Variants in GPRC5A observed in about 807,000 individuals in gnomAD.
GPRC5A encodes G protein-coupled receptor class C group 5 member A, also known as retinoic acid-induced protein 3.
In GPRC5A, 19 loss-of-function variants were observed where a neutral mutation model predicts 22.5. The ratio of observed to expected loss-of-function variants is 0.85; its 90% CI spans 0.59 to 1.24. The LOEUF (loss-of-function observed/expected upper bound fraction) is 1.24. Ranked by LOEUF, GPRC5A falls within the 50% of genes most tolerant of loss-of-function variation. GPRC5A has a pLI of 0.00. For synonymous variants in GPRC5A, 192 were observed against 184.5 expected (o/e 1.04, Z -0.33); for missense variants, 471 against 451.1 (o/e 1.04, Z -0.40).
At chr12:12,902,698 G>A (rs1863901879) in intron 1 of GPRC5A, among the ~76,000 whole-genome samples, 1 of 152,098 alleles carries the variant, frequency 6.6e-6, no homozygotes, top group African/African-American at 2.4e-5. Flanking sequence ...TTGAGCCCAG[G>A]AAGTCAAGGC....
chr12:12,914,545 C>CT lies in GPRC5A; in HGVS notation c.*2009dup, dbSNP rs1864038175. ...CTTTCTCTCTTTCCTTCCTTCCTTC[C>CT]TTTCTTCTTTCTTTCTTTCTTTCTT... is the stretch of plus-strand genomic sequence containing the variant. On this transcript the variant is annotated 3_prime_UTR_variant, in exon 4 of 4. Transcript: ENST00000014914. 1 of 75,010 alleles carries CT rather than the reference C, an allele frequency of 1.3e-5. No individual in the cohort carries two copies. Among genetic ancestry groups the CT allele is most frequent in the Non-Finnish European group, 2.7e-5 (1 of 36,414 alleles). The allele number at this position is 75,010 out of a possible 1,614,324, so 4.6% of individuals were successfully genotyped here. A position where few individuals can be genotyped will look rare whatever the true frequency, so the allele number is the denominator to read the frequency against.
rs1422601582 is a variant in GPRC5A at position 12,912,987 on chromosome 12, T to C, written c.*448T>C. On this transcript the variant is annotated 3_prime_UTR_variant, in exon 4 of 4. Coordinates refer to ENST00000014914, the MANE Select transcript of GPRC5A (RefSeq NM_003979.4). ...CAGGCGTGAGCCACAGCTCCCAGCC[T>C]AGGCCCTTAATCTTGCTGTTATTTT... 1 of 161,004 alleles carries C rather than the reference T, an allele frequency of 6.2e-6. No individual in the cohort carries two copies. Among genetic ancestry groups the C allele is most frequent in the Non-Finnish European group, 1.4e-5 (1 of 73,834 alleles). 10.0% of individuals were successfully genotyped at this position (161,004 alleles called of 1,614,324 possible). A position where few individuals can be genotyped will look rare whatever the true frequency, so the allele number is the denominator to read the frequency against.
At chr12:12,896,965 G>A (rs1050120778) in intron 1 of GPRC5A, among the ~76,000 whole-genome samples, 1 of 152,148 alleles carries the variant, frequency 6.6e-6, no homozygotes, top group East Asian at 1.9e-4. Flanking sequence ...GATGGCTTAC[G>A]CCTGTAATCC....
At chr12:12,905,377 T>A (rs917976087) in intron 1 of GPRC5A, among the ~76,000 whole-genome samples, 2 of 152,160 alleles carry the variant, frequency 1.3e-5, no homozygotes, top group African/African-American at 4.8e-5. Flanking sequence ...CTGGCCTCTT[T>A]CCTGCTGCAA....
intron 1 of GPRC5A, among the ~76,000 whole-genome samples, chr12:12,899,998 C>T (rs1316364578): frequency 2.6e-5 from 4 of 152,228 alleles, no homozygotes; most frequent in African/African-American, 7.2e-5. Flanking sequence ...CTTTCCCCAT[C>T]TCTCTGGTTG....
intron 1 of GPRC5A, among the ~76,000 whole-genome samples, chr12:12,900,885 C>T (rs539740117): frequency 3.7e-4 from 34 of 91,774 alleles, no homozygotes; most frequent in African/African-American, 1.7e-3. Context: ...AGTAAAAACT[C>T]CGTCTCAAAA....
intron 1 of GPRC5A, among the ~76,000 whole-genome samples, chr12:12,905,619 A>G (rs547902016): frequency 1.3e-5 from 2 of 152,196 alleles, no homozygotes; most frequent in African/African-American, 2.4e-5. Flanking sequence ...TTCGACATTG[A>G]CTTTGGAATT....
chr12:12,900,456 C>T (rs539676798), intron 1 of GPRC5A, among the ~76,000 whole-genome samples: 1 of 152,258 alleles, frequency 6.6e-6, no homozygotes, highest in East Asian at 1.9e-4. Context: ...AGCCTGGCAG[C>T]TGAAACCCCT....
rs1312851301 is a variant in GPRC5A at position 12,915,722 on chromosome 12, C to T, written c.*3183C>T. On this transcript the variant is annotated 3_prime_UTR_variant, in exon 4 of 4. Coordinates refer to ENST00000014914, the MANE Select transcript of GPRC5A (RefSeq NM_003979.4). ...GGCCAGGCAGATCTCGAACTCCAAA[C>T]CTCGTGATCCACCTACCTTGGCCTC... is the stretch of plus-strand genomic sequence containing the variant. 2 of 326,352 alleles carry T rather than the reference C, an allele frequency of 6.1e-6. No homozygotes were observed. The highest frequency in any genetic ancestry group is 2.2e-5 in the African/African-American group (1 of 45,972). 20.2% of individuals were successfully genotyped at this position (326,352 alleles called of 1,614,324 possible).
Position 12,908,275 on chromosome 12 carries a change from G to A in GPRC5A, c.26G>A (p.Cys9Tyr). 1 of 1,597,440 alleles carries A rather than the reference G, an allele frequency of 6.3e-7. No individual in the cohort carries two copies. The highest frequency in any genetic ancestry group is 8.5e-7 in the Non-Finnish European group (1 of 1,172,156). The stretch of plus-strand genomic sequence containing the variant: ...ATGGCTACAACAGTCCCTGATGGTT[G>A]CCGCAATGGCCTGAAATCCAAGTAC... MATTVPDG[C>Y]RNGLKSKYYR... Residue 9 changes from cysteine (C) to tyrosine (Y), a missense_variant, in exon 2 of 4, where the codon TGC becomes TAC. Physicochemically the swap from Cys to Tyr is radical, Grantham distance 194 (BLOSUM62 -2). Coordinates refer to ENST00000014914, the MANE Select transcript of GPRC5A (RefSeq NM_003979.4).
chr12:12,900,636 G>A (rs1045679953), intron 1 of GPRC5A, among the ~76,000 whole-genome samples: 8 of 152,008 alleles, frequency 5.3e-5, no homozygotes, highest in East Asian at 3.9e-4. Context: ...AGTGGCTCAC[G>A]CCTGTAATCC....
chr12:12,901,585 G>A (rs1863887275), intron 1 of GPRC5A, among the ~76,000 whole-genome samples: 1 of 152,008 alleles, frequency 6.6e-6, no homozygotes, highest in Non-Finnish European at 1.5e-5. Context: ...CAGGTGCTAG[G>A]CAAGTGGCTG....
At chr12:12,898,514 A>T (rs1457995895) in intron 1 of GPRC5A, among the ~76,000 whole-genome samples, 2 of 152,096 alleles carry the variant, frequency 1.3e-5, no homozygotes, top group Non-Finnish European at 2.9e-5. Context: ...AGCCTGGGCG[A>T]CAGAGAGACT....
chr12:12,905,249 G>T (rs1164128631), intron 1 of GPRC5A, among the ~76,000 whole-genome samples: 1 of 152,116 alleles, frequency 6.6e-6, no homozygotes. Flanking sequence ...GGGATGCTTT[G>T]TATCTTTTCC....
intron 2 of GPRC5A, among the ~76,000 whole-genome samples, chr12:12,910,578 C>A (rs1393016995): frequency 1.3e-5 from 2 of 152,208 alleles, no homozygotes; most frequent in African/African-American, 4.8e-5. Flanking sequence ...GCTTTGCTCG[C>A]AGTCCAGATG....
intron 1 of GPRC5A, among the ~76,000 whole-genome samples, chr12:12,903,200 T>C (rs1261352990): frequency 6.6e-6 from 1 of 152,108 alleles, no homozygotes; most frequent in Non-Finnish European, 1.5e-5. Context: ...GGCCATATAG[T>C]AATAATTTTT....
intron 1 of GPRC5A, among the ~76,000 whole-genome samples, chr12:12,900,420 A>C (rs977560969): frequency 6.6e-6 from 1 of 152,164 alleles, no homozygotes; most frequent in African/African-American, 2.4e-5. Context: ...AGGCTTTGAG[A>C]GGTCAAGTGA....
At chr12:12,912,209 A>T in intron 3 of GPRC5A, 67 bp downstream of exon 3, 1 of 1,168,114 alleles carries the variant, frequency 8.6e-7, no homozygotes, top group Non-Finnish European at 1.3e-6. Context: ...TCCTTTGGAA[A>T]CAGACGATGT....
Position 12,914,549 on chromosome 12 carries a change from C to CT in GPRC5A, c.*2012dup, listed in dbSNP as rs371632945. 114 of 50,560 alleles carry CT rather than the reference C, an allele frequency of 2.3e-3. 2 individuals are homozygous for CT. Among genetic ancestry groups the CT allele is most frequent in the African/African-American group, 6.6e-3 (67 of 10,144 alleles). 3.1% of individuals were successfully genotyped at this position (50,560 alleles called of 1,614,324 possible). On this transcript the variant is annotated 3_prime_UTR_variant, in exon 4 of 4. Transcript: ENST00000014914. ...CTCTCTTTCCTTCCTTCCTTCCTTT[C>CT]TTCTTTCTTTCTTTCTTTCTTTCTT... is the stretch of plus-strand genomic sequence containing the variant.
Sources: gnomAD v4.1 joint callset for allele counts (sites outside exome capture counted in the v4.1 genomes callset) on GRCh38, gnomAD v4.1.1 for gene constraint, MANE v1.5 for transcripts, NCBI Gene and HGNC (gene_info 2026-07-23, HGNC 2026-07-21) for gene names.